Variants in INTS10 observed in about 807,000 individuals in gnomAD.
The protein encoded by INTS10 is integrator complex subunit 10, also known as chromosome 8 open reading frame 35.
In INTS10, 44 loss-of-function variants were observed where a neutral mutation model predicts 94.4. The ratio of observed to expected loss-of-function variants is 0.47; its 90% CI spans 0.37 to 0.60. The LOEUF is 0.60. INTS10 is among the 20% of genes least tolerant of loss of function. The pLI is 0.00. For missense variants in INTS10, 797 were observed against 868.7 expected, an observed-to-expected ratio of 0.92 and a Z score of 1.04; for synonymous variants, 341 against 320.7, an observed-to-expected ratio of 1.06 and a Z score of -0.68.
intron 15 of INTS10, chr8:19,845,488 A>G: frequency 1.8e-6 from 1 of 560,360 alleles, no homozygotes; most frequent in Non-Finnish European, 3.2e-6. Flanking sequence ...TTTTGGCATC[A>G]GACAGATCTG....
chr8:19,834,766 G>A (rs1284872170), intron 12 of INTS10, among the ~76,000 whole-genome samples: 1 of 152,014 alleles, frequency 6.6e-6, no homozygotes. Context: ...TTGTCTGCTT[G>A]GGTTGCTATA....
chr8:19,825,804 G>T (rs1473947123), intron 8 of INTS10, among the ~76,000 whole-genome samples: 1 of 151,996 alleles, frequency 6.6e-6, no homozygotes, highest in African/African-American at 2.4e-5. Context: ...GTATAATTTG[G>T]TAGTCTTTTA....
chr8:19,848,235 G>C (rs767162045), intron 16 of INTS10, among the ~76,000 whole-genome samples: 13 of 152,116 alleles, frequency 8.5e-5, no homozygotes, highest in South Asian at 2.1e-4. Flanking sequence ...CTCCAGATGA[G>C]TGGCAGAGAT....
chr8:19,826,771 C>T (rs2066830674), intron 9 of INTS10, among the ~76,000 whole-genome samples: 1 of 152,140 alleles, frequency 6.6e-6, no homozygotes, highest in Non-Finnish European at 1.5e-5. Context: ...TTGGTTGTCA[C>T]AGCTTGGTGG....
intron 2 of INTS10, among the ~76,000 whole-genome samples, 161 bp from the exon 3 acceptor site, chr8:19,819,412 T>C (rs1401814587): frequency 6.6e-6 from 1 of 152,246 alleles, no homozygotes; most frequent in Middle Eastern, 3.2e-3. Flanking sequence ...TTTTTATAAA[T>C]CAAGTAATTC....
chr8:19,841,807 C>G (rs1012684548), intron 13 of INTS10: 2 of 455,746 alleles, frequency 4.4e-6, no homozygotes, highest in Non-Finnish European at 4.4e-6. Flanking sequence ...GTTTTTCAAG[C>G]TGTGAGTTTT....
Position 19,846,522 on chromosome 8 carries a change from T to G in INTS10, c.1976+725T>G, listed in dbSNP as rs1273314778. Among the ~76,000 whole-genome samples the G allele has an allele frequency of 6.6e-6, 1 of 152,192 alleles. No homozygotes were observed. The highest frequency in any genetic ancestry group is 1.9e-4 in the East Asian group (1 of 5,194). The stretch of plus-strand genomic sequence containing the variant: ...TCTTTAGGAAAAACTACAGACTTTT[T>G]ATTTATAAACTACCTATGAAGCCCT... On this transcript the variant is annotated intron_variant, in intron 16 of 16. Coordinates refer to ENST00000397977, the MANE Select transcript of INTS10 (RefSeq NM_018142.4). The surrounding 1 kb of genome is among the most constrained non-coding windows in gnomAD (Gnocchi z 4.2).
intron 12 of INTS10, 55 bp downstream of exon 12, chr8:19,833,376 TC>T: frequency 7.3e-7 from 1 of 1,361,908 alleles, no homozygotes; most frequent in African/African-American, 1.5e-5. Flanking sequence ...ACCTGGCCTT[TC>T]TCCTTTCCCT....
At chr8:19,820,349 A>G in intron 3 of INTS10, 30 bp from the exon 4 acceptor site, 5 of 1,588,000 alleles carry the variant, frequency 3.1e-6, no homozygotes, top group Non-Finnish European at 4.3e-6. Flanking sequence ...TCCGCAAGAA[A>G]CTTTTAAAAG....
Position 19,818,289 on chromosome 8 carries a change from C to T in INTS10, c.144C>T (p.Thr48=). The T allele has an allele frequency of 6.2e-7, 1 of 1,614,116 alleles. No homozygotes were observed. The highest frequency in any genetic ancestry group is 8.5e-7 in the Non-Finnish European group (1 of 1,180,022). The change falls in exon 2 of 17, where the codon ACC becomes ACT. Residue 48 remains threonine (T), a synonymous_variant. Transcript: ENST00000397977. ...GTGTGTTGCAGTATGAGATGTACAC[C>T]ATCGAGCGGAATGCAGAGCGGACCG... is the stretch of plus-strand genomic sequence containing the variant. ...ADFNIQYEMY[T]IERNAERTAT...
In INTS10 at chr8:19,851,506, T is replaced by C. The variant is rs370244707; in HGVS notation, c.1977-143T>C. 7.1e-6 allele frequency: 5 copies of C among 704,944 alleles called. No homozygotes were observed. Among genetic ancestry groups the C allele is most frequent in the Admixed American group, 5.3e-5 (2 of 37,438 alleles). 43.7% of individuals were successfully genotyped at this position (704,944 alleles called of 1,614,324 possible). A position where few individuals can be genotyped will look rare whatever the true frequency, so the allele number is the denominator to read the frequency against. ...GAAATGGGCTGGAATGTTTGGTTGG[T>C]TGCAGCTATTCTTGTGTTCTTTTTA... is the stretch of plus-strand genomic sequence containing the variant. On this transcript the variant is annotated intron_variant, in intron 16 of 16. Transcript: ENST00000397977. The surrounding 1 kb of genome is among the most constrained non-coding windows in gnomAD (Gnocchi z 5.0).
intron 9 of INTS10, 60 bp downstream of exon 9, chr8:19,826,619 C>T: frequency 6.7e-7 from 1 of 1,492,622 alleles, no homozygotes; most frequent in Non-Finnish European, 9.1e-7. Context: ...AGAGATGAAT[C>T]TTTGTAAAAT....
At chr8:19,822,706 C>T (rs2066476173) in intron 5 of INTS10, among the ~76,000 whole-genome samples, 186 bp downstream of exon 5, 1 of 151,866 alleles carries the variant, frequency 6.6e-6, no homozygotes, top group Non-Finnish European at 1.5e-5. Flanking sequence ...AATCCTAGCA[C>T]TTAAGGAGGC....
chr8:19,841,645 G>A (rs556939130), intron 13 of INTS10, among the ~76,000 whole-genome samples: 86 of 152,294 alleles, frequency 5.6e-4, no homozygotes, highest in African/African-American at 2.0e-3. Context: ...AAAAATTGAA[G>A]AGGATGTGAA....
chr8:19,818,119 C>A, intron 1 of INTS10, 156 bp from the exon 2 acceptor site: 1 of 732,824 alleles, frequency 1.4e-6, no homozygotes, highest in Non-Finnish European at 2.5e-6. Flanking sequence ...ACTCTAAGCC[C>A]AATGGCAAGT....
Position 19,844,062 on chromosome 8 carries a change from T to C in INTS10, c.1720-14T>C. The stretch of plus-strand genomic sequence containing the variant: ...TCCTTTTCCTTCTGTCTTGTATAAA[T>C]CTTTGTCTTGCAGCTTAGAGCTTTC... On this transcript the variant is annotated splice_polypyrimidine_tract_variant and intron_variant, in intron 14 of 16. Coordinates refer to ENST00000397977, the MANE Select transcript of INTS10 (RefSeq NM_018142.4). 4 of 1,575,958 alleles carry C rather than the reference T, an allele frequency of 2.5e-6. No individual in the cohort carries two copies. The highest frequency in any genetic ancestry group is 3.4e-6 in the Non-Finnish European group (4 of 1,161,548).
chr8:19,844,277 T>A (rs1478735106), intron 15 of INTS10, 39 bp downstream of exon 15: 2 of 1,403,636 alleles, frequency 1.4e-6, no homozygotes, highest in South Asian at 1.2e-5. Flanking sequence ...ACATTCTGAT[T>A]TTCTTTAGAA....
chr8:19,824,731 G>A (rs912291739), intron 7 of INTS10, 72 bp from the exon 8 acceptor site: 1 of 1,042,466 alleles, frequency 9.6e-7, no homozygotes, highest in South Asian at 1.6e-5. Context: ...GGTACCACCA[G>A]AGCTTTTCTC....
At chr8:19,845,651 A>G in intron 15 of INTS10, 53 bp from the exon 16 acceptor site, 1 of 1,313,412 alleles carries the variant, frequency 7.6e-7, no homozygotes, top group Non-Finnish European at 1.1e-6. Context: ...TTTCCTCATC[A>G]GAGAAAACTA....
Sources: gnomAD v4.1 joint callset for allele counts (sites outside exome capture counted in the v4.1 genomes callset) on GRCh38, gnomAD v4.1.1 for gene constraint, Gnocchi (gnomAD v3.1) non-coding constraint, MANE v1.5 for transcripts, NCBI Gene and HGNC (gene_info 2026-07-23, HGNC 2026-07-21) for gene names.